The following TRDN variants were observed in gnomAD, a reference collection of about 807,000 sequenced individuals.
The protein encoded by TRDN is triadin in skeletal muscle.
Under a neutral mutation model 149.7 loss-of-function variants are expected in TRDN, and 161 were observed. The ratio of observed to expected loss-of-function variants is 1.08; its 90% CI spans 0.95 to 1.23. The LOEUF (loss-of-function observed/expected upper bound fraction) is 1.23. Among genes scored for constraint, TRDN ranks in the 50% most tolerant of loss-of-function variants. The probability of loss-of-function intolerance (pLI) is 0.00; values close to 1 mark genes in which losing one functional copy is unlikely to be tolerated. For missense variants in TRDN, 896 were observed against 823.5 expected (o/e 1.09, Z -1.08); for synonymous variants, 294 against 250.5 (o/e 1.17, Z -1.64).
intron 9 of TRDN, among the ~76,000 whole-genome samples, chr6:123,485,179 TTC>T (rs1414724242): frequency 6.6e-6 from 1 of 152,206 alleles, no homozygotes; most frequent in Admixed American, 6.5e-5. Flanking sequence ...CTCTCATTTC[TTC>T]TCTCATTGTA....
intron 12 of TRDN, chr6:123,429,148 C>T (rs1381809441): frequency 6.6e-6 from 1 of 152,244 alleles, no homozygotes; most frequent in East Asian, 1.9e-4. Flanking sequence ...AGACAAAGTG[C>T]TTTTGGGTCC....
intron 5 of TRDN, among the ~76,000 whole-genome samples, chr6:123,520,991 T>C (rs757608623): frequency 3.9e-5 from 6 of 152,182 alleles, no homozygotes; most frequent in Non-Finnish European, 7.4e-5. Context: ...AGCATTTTTA[T>C]AAAGGGCTTC....
intron 20 of TRDN, among the ~76,000 whole-genome samples, chr6:123,353,416 T>C (rs1196447367): frequency 6.6e-6 from 1 of 151,876 alleles, no homozygotes; most frequent in African/African-American, 2.4e-5. Context: ...CATCCAGACA[T>C]CTTTTGCTTC....
At chr6:123,586,263 G>A (rs1323813745) in intron 1 of TRDN, among the ~76,000 whole-genome samples, 1 of 152,178 alleles carries the variant, frequency 6.6e-6, no homozygotes, top group Admixed American at 6.5e-5. Context: ...GACCGGGTGT[G>A]AGGAGGGGAG....
At chr6:123,352,194 C>T (rs1780484683) in intron 21 of TRDN, 1 of 983,970 alleles carries the variant, frequency 1.0e-6, no homozygotes, top group Non-Finnish European at 1.2e-6. Context: ...AAATTATAAT[C>T]AGTAAGGTGG....
intron 5 of TRDN, among the ~76,000 whole-genome samples, chr6:123,519,403 C>T (rs190143687): frequency 6.6e-6 from 1 of 152,042 alleles, no homozygotes; most frequent in Non-Finnish European, 1.5e-5. Flanking sequence ...GTTTTTGACC[C>T]TGGCAGTCAC....
chr6:123,287,946 T>C lies in TRDN; in HGVS notation c.1511-8864A>G, dbSNP rs986765869. On this transcript the variant is annotated intron_variant, in intron 24 of 40. Transcript: ENST00000334268. ...GGGACTTTAGCCTTATTTTTTATTA[T>C]AGTTATTATATTTTCTATATTTTCC... Among the ~76,000 whole-genome samples, 9 of 152,126 alleles carry C rather than the reference T, an allele frequency of 5.9e-5. No homozygotes were observed. In the East Asian group the frequency reaches 1.5e-3, roughly 26 times the overall value.
At chr6:123,284,034 C>T (rs1295944430) in intron 24 of TRDN, among the ~76,000 whole-genome samples, 2 of 70,542 alleles carry the variant, frequency 2.8e-5, no homozygotes, top group Admixed American at 1.6e-4. Context: ...GCACATGTAC[C>T]CTAAAACTTA....
At chr6:123,570,222 G>A (rs566039846) in intron 2 of TRDN, among the ~76,000 whole-genome samples, 1 of 152,180 alleles carries the variant, frequency 6.6e-6, no homozygotes, top group Non-Finnish European at 1.5e-5. Flanking sequence ...TGGTAAAAAA[G>A]TGATAAGAAT....
chr6:123,502,935 C>G (rs932927453), intron 8 of TRDN: 2 of 985,116 alleles, frequency 2.0e-6, no homozygotes, highest in African/African-American at 3.5e-5. Flanking sequence ...CAATAAGGGC[C>G]AGAGATGTGG....
chr6:123,355,087 G>A (rs1211144347), intron 20 of TRDN, among the ~76,000 whole-genome samples: 1 of 151,398 alleles, frequency 6.6e-6, no homozygotes, highest in African/African-American at 2.4e-5. Context: ...CTTCTGTGGA[G>A]TGCCTCTTTA....
intron 12 of TRDN, among the ~76,000 whole-genome samples, chr6:123,432,433 CAAA>C (rs35511361): frequency 6.9e-6 from 1 of 144,184 alleles, no homozygotes; most frequent in African/African-American, 2.5e-5. Context: ...GTATTATCTC[CAAA>C]AAAAAAAAAG....
chr6:123,294,073 C>T (rs1287533490), intron 24 of TRDN, among the ~76,000 whole-genome samples: 2 of 152,132 alleles, frequency 1.3e-5, no homozygotes, highest in Non-Finnish European at 2.9e-5. Flanking sequence ...GTCCTTAGAC[C>T]ATTTGGCAAA....
intron 12 of TRDN, among the ~76,000 whole-genome samples, chr6:123,433,132 C>T (rs1001342936): frequency 2.5e-5 from 3 of 121,688 alleles, no homozygotes; most frequent in African/African-American, 6.0e-5. Flanking sequence ...CCCCTTCCCC[C>T]ACACATCATA....
intron 9 of TRDN, among the ~76,000 whole-genome samples, chr6:123,466,695 GGTACGGT>G (rs1273430576): frequency 6.6e-6 from 1 of 151,872 alleles, no homozygotes; most frequent in East Asian, 1.9e-4. Context: ...ATAATTTTAA[GGTACGGT>G]GGTATTTTGT....
chr6:123,634,582 T>C (rs1460486694), intron 1 of TRDN, among the ~76,000 whole-genome samples: 3 of 151,966 alleles, frequency 2.0e-5, no homozygotes, highest in South Asian at 2.1e-4. Flanking sequence ...AGGAAGACAA[T>C]TGTAGCTAGG....
intron 12 of TRDN, among the ~76,000 whole-genome samples, chr6:123,425,321 T>C (rs966893718): frequency 6.6e-6 from 1 of 151,400 alleles, no homozygotes; most frequent in Non-Finnish European, 1.5e-5. Context: ...AAAAAACATA[T>C]TAACTTCAAG....
intron 1 of TRDN, among the ~76,000 whole-genome samples, chr6:123,578,598 A>G (rs1389693574): frequency 6.6e-6 from 1 of 152,120 alleles, no homozygotes; most frequent in Non-Finnish European, 1.5e-5. Flanking sequence ...TAATGCCTCC[A>G]TCTTTTTCCT....
chr6:123,502,450 G>A (rs999530095), intron 8 of TRDN: 1 of 632,126 alleles, frequency 1.6e-6, no homozygotes, highest in African/African-American at 2.0e-5. Context: ...AAATTTAAAG[G>A]TTTGTAGATC....
Sources: gnomAD v4.1 joint callset for allele counts (sites outside exome capture counted in the v4.1 genomes callset) on GRCh38, gnomAD v4.1.1 for gene constraint, MANE v1.5 for transcripts, NCBI Gene and HGNC (gene_info 2026-07-23, HGNC 2026-07-21) for gene names.